The following DDB2 variants were observed in gnomAD, a reference collection of about 807,000 sequenced individuals.
The protein encoded by DDB2 is damage specific DNA binding protein 2.
In DDB2, 27 loss-of-function variants were observed where a neutral mutation model predicts 50.5. The observed-to-expected ratio is 0.53, with a 90% CI of 0.39 to 0.74. The LOEUF (loss-of-function observed/expected upper bound fraction) is 0.74. Among genes scored for constraint, DDB2 ranks in the 30% least tolerant of loss-of-function variants. DDB2 has a pLI of 0.00. For synonymous variants in DDB2, 176 were observed against 205.5 expected, an observed-to-expected ratio of 0.86 and a Z score of 1.23; for missense variants, 424 against 545.6, an observed-to-expected ratio of 0.78 and a Z score of 2.22.
At chr11:47,234,956 C>T in intron 6 of DDB2, 22 bp downstream of exon 6, 1 of 1,613,580 alleles carries the variant, frequency 6.2e-7, no homozygotes, top group Non-Finnish European at 8.5e-7. Flanking sequence ...CAGACCTCAT[C>T]TCTCCTGCAG....
At position 47,238,911 on chromosome 11, in the gene DDB2, T is replaced by C; in HGVS notation, c.*62T>C. ...GGAGCCCACACATGGGATCAAGTCC[T>C]GCAAGCAGAGGTGGCGATTTGTTAA... On this transcript the variant is annotated 3_prime_UTR_variant, in exon 10 of 10. Coordinates refer to ENST00000256996, the MANE Select transcript of DDB2 (RefSeq NM_000107.3). 6.3e-7 allele frequency: 1 copy of C among 1,580,910 alleles called. No homozygotes were observed. The highest frequency in any genetic ancestry group is 8.7e-7 in the Non-Finnish European group (1 of 1,153,688).
chr11:47,236,005 T>C (rs1228075342), intron 7 of DDB2: 1 of 138,008 alleles, frequency 7.2e-6, no homozygotes, highest in Non-Finnish European at 1.5e-5. Flanking sequence ...CAAACATAGC[T>C]CACTGCAGCC....
chr11:47,228,977 ATATC>A (rs59098720), intron 3 of DDB2, among the ~76,000 whole-genome samples: 10,837 of 124,616 alleles, frequency 0.087, 1,024 homozygotes, highest in African/African-American at 0.22. Flanking sequence ...AAAAAAAGAA[ATATC>A]TATCTATCTA....
chr11:47,230,653 T>C (rs1953633474), intron 3 of DDB2, among the ~76,000 whole-genome samples: 1 of 152,120 alleles, frequency 6.6e-6, no homozygotes, highest in Admixed American at 6.6e-5. Context: ...TAGAATGTTT[T>C]ATAGAGGGAA....
intron 3 of DDB2, among the ~76,000 whole-genome samples, chr11:47,219,567 C>T (rs1313514599): frequency 1.3e-5 from 2 of 151,984 alleles, no homozygotes; most frequent in Non-Finnish European, 2.9e-5. Flanking sequence ...CCAGGCTGGT[C>T]TCAAACTACT....
chr11:47,238,613 T>C (rs1159939935), intron 9 of DDB2, among the ~76,000 whole-genome samples, 187 bp from the exon 10 acceptor site: 1 of 152,130 alleles, frequency 6.6e-6, no homozygotes, highest in Non-Finnish European at 1.5e-5. Context: ...TTAGCCAGGA[T>C]GGTCTCGGTC....
upstream of DDB2, chr11:47,214,905 C>A: frequency 1.7e-6 from 1 of 597,428 alleles, no homozygotes; most frequent in Non-Finnish European, 2.9e-6. Context: ...GGCACCACCC[C>A]CTCCCCGCGC....
intron 3 of DDB2, among the ~76,000 whole-genome samples, chr11:47,231,519 A>T (rs1953649266): frequency 6.6e-6 from 1 of 152,060 alleles, no homozygotes; most frequent in Non-Finnish European, 1.5e-5. Flanking sequence ...TTCTATTTTT[A>T]ATTTTATTTT....
intron 3 of DDB2, chr11:47,229,818 CTTTTTT>C (rs11376360): frequency 9.1e-6 from 3 of 328,460 alleles, no homozygotes; most frequent in Admixed American, 4.2e-5. Flanking sequence ...GATGGCTCTT[CTTTTTT>C]TTTTTTTTTT....
At position 47,235,406 on chromosome 11, in the gene DDB2, C is replaced by T. The variant is rs17849262; in HGVS notation, c.1017C>T (p.Pro339=). The T allele has an allele frequency of 1.9e-6, 3 of 1,612,574 alleles. No homozygotes were observed. The highest frequency in any genetic ancestry group is 1.7e-6 in the Non-Finnish European group (2 of 1,180,016). The change falls in exon 7 of 10, where the codon CCC becomes CCT. Residue 339 remains proline, a synonymous_variant. Coordinates refer to ENST00000256996, the MANE Select transcript of DDB2 (RefSeq NM_000107.3). ...HPHRHFQHLT[P]IKAAWHPRYN... ...ACCGTCACTTCCAGCACCTCACACC[C>T]ATCAAGGTGAGTGGCGGTGGGAAGG...
rs917256515 is a variant in DDB2 at position 47,224,038 on chromosome 11, C to T, written c.456+6989C>T. Reference sequence around the variant, plus strand: ...ATTGCTTAAGCCCAGGGGGACAAGGCTTCAGTGAGCTAGGCAAGCCTGGGT... The same window carrying T: ...ATTGCTTAAGCCCAGGGGGACAAGGTTTCAGTGAGCTAGGCAAGCCTGGGT... On this transcript the variant is annotated intron_variant, in intron 3 of 9. Coordinates refer to ENST00000256996, the MANE Select transcript of DDB2 (RefSeq NM_000107.3). Among the ~76,000 whole-genome samples the T allele has an allele frequency of 2.0e-5, 3 of 151,356 alleles. No homozygotes were observed. In the East Asian group the frequency reaches 5.9e-4, roughly 30 times the overall value.
rs1158186840 is a variant in DDB2, at chr11:47,215,263, G to C, written c.127G>C (p.Gly43Arg). 1.9e-6 allele frequency: 3 copies of C among 1,613,914 alleles called. No homozygotes were observed. The highest frequency in any genetic ancestry group is 2.2e-5 in the South Asian group (2 of 91,064). Residue 43 changes from glycine to arginine, a missense_variant and splice_region_variant, in exon 1 of 10, where the codon GGT becomes CGT. Transcript: ENST00000256996. The stretch of plus-strand genomic sequence containing the variant: ...CAAGAAGCTCTGTGCGAAGGGCTCC[G>C]GTACTGCCTGTGCCTGCTGCTTGAA... Reference protein sequence around the residue: ...EAKKLCAKGSGPSRRCDSDCL... With the variant: ...EAKKLCAKGSRPSRRCDSDCL...
Position 47,234,815 on chromosome 11 carries a change from G to C in DDB2, c.761G>C (p.Cys254Ser). The change falls in exon 6 of 10, where the codon TGT (cysteine) becomes TCT (serine). Residue 254 changes from cysteine to serine, a missense_variant. Cys to Ser is a moderately radical substitution (Grantham distance 112, BLOSUM62 -1). Transcript: ENST00000256996. ...ACGCATGTGGCCCTGAACCCATGCT[G>C]TGATTGGTTCCTGGCCACAGCCTCC... ...KVTHVALNPC[C>S]DWFLATASVD... 1 of 1,614,206 alleles carries C rather than the reference G, an allele frequency of 6.2e-7. No homozygotes were observed. Among genetic ancestry groups the C allele is most frequent in the South Asian group, 1.1e-5 (1 of 91,090 alleles).
chr11:47,228,496 C>T (rs1203103856), intron 3 of DDB2, among the ~76,000 whole-genome samples: 3 of 151,126 alleles, frequency 2.0e-5, no homozygotes, highest in Non-Finnish European at 2.9e-5. Context: ...CACAAAAATT[C>T]GCCAAGCATG....
rs1324360629 is a variant in DDB2 at position 47,217,384 on chromosome 11, T to TAAG, written c.456+337_456+338insGAA. ...AGAGTGAAACTCCATCTCAAAATAA[T>TAAG]AATAATAATAATAATAAAAGAAAAT... On this transcript the variant is annotated intron_variant, in intron 3 of 9. Coordinates refer to ENST00000256996, the MANE Select transcript of DDB2 (RefSeq NM_000107.3). 1.2e-4 allele frequency: 19 copies of TAAG among 156,518 alleles called. 1 individual carries two copies. In the South Asian group the frequency reaches 2.5e-3, roughly 21 times the overall value. The allele number at this position is 156,518 out of a possible 1,614,324, so 9.7% of individuals were successfully genotyped here.
At chr11:47,231,141 A>C (rs1457286463) in intron 3 of DDB2, among the ~76,000 whole-genome samples, 11 of 150,088 alleles carry the variant, frequency 7.3e-5, no homozygotes, top group South Asian at 2.1e-4. Context: ...AAAAAAAAAA[A>C]AAACACACAA....
chr11:47,235,433 G>C lies in DDB2; in HGVS notation c.1023+21G>C, dbSNP rs757364158. ...TCAAGGTGAGTGGCGGTGGGAAGGA[G>C]CTCGCAGAAGGAGGCTGTGATCATG... On this transcript the variant is annotated intron_variant, in intron 7 of 9. Transcript: ENST00000256996. 10 of 1,606,650 alleles carry C rather than the reference G, an allele frequency of 6.2e-6. No individual in the cohort carries two copies. In the African/African-American group the frequency reaches 1.2e-4, roughly 19 times the overall value.
chr11:47,226,734 CTTTTTTT>C (rs542832519), intron 3 of DDB2, among the ~76,000 whole-genome samples: 265 of 124,662 alleles, frequency 2.1e-3, no homozygotes, highest in African/African-American at 8.7e-3. Flanking sequence ...AGTCCTTTGC[CTTTTTTT>C]TTTTTTTTTT....
chr11:47,237,820 G>T lies in DDB2; in HGVS notation c.1024-17G>T. Reference sequence around the variant, plus strand: ...TGTTCTGTGTTTACCCTCATGGCCGGCCTCTCCATCTCCTAGGCAGCCTGG... The same window carrying T: ...TGTTCTGTGTTTACCCTCATGGCCGTCCTCTCCATCTCCTAGGCAGCCTGG... On this transcript the variant is annotated splice_polypyrimidine_tract_variant and intron_variant, in intron 7 of 9. Coordinates refer to ENST00000256996, the MANE Select transcript of DDB2 (RefSeq NM_000107.3). The T allele has an allele frequency of 1.2e-6, 2 of 1,613,814 alleles. No homozygotes were observed. The highest frequency in any genetic ancestry group is 2.2e-5 in the South Asian group (2 of 91,066).
Sources: allele counts gnomAD v4.1 joint callset (sites outside exome capture counted in the v4.1 genomes callset), GRCh38; gene constraint gnomAD v4.1.1; transcripts MANE v1.5; gene names NCBI Gene and HGNC (gene_info 2026-07-23, HGNC 2026-07-21).